The following KIF4A variants were observed in gnomAD, a reference collection of about 807,000 sequenced individuals.
KIF4A encodes the protein kinesin family member 4A.
KIF4A carries 7 observed loss-of-function variants against 105.9 expected under a neutral mutation model. The observed-to-expected ratio is 0.07, with a 90% confidence interval of 0.04 to 0.12. The LOEUF is 0.12. Ranked by LOEUF, KIF4A falls within the 10% of genes least tolerant of loss-of-function variation. KIF4A has a pLI of 1.00. For synonymous variants in KIF4A, 281 were observed against 331.3 expected (o/e 0.85, Z 1.65); for missense variants, 558 against 929.2 (o/e 0.60, Z 5.19).
chrX:70,320,722 G>T (rs1472771484), intron 7 of KIF4A, among the ~76,000 whole-genome samples: 1 of 111,720 alleles, frequency 9.0e-6, no homozygotes, highest in Non-Finnish European at 1.9e-5. Context: ...TGATTAATGG[G>T]TATAAACATA....
intron 9 of KIF4A, among the ~76,000 whole-genome samples, chrX:70,332,149 C>T (rs184748448): frequency 3.8e-4 from 42 of 111,622 alleles, no homozygotes; most frequent in Non-Finnish European, 4.9e-4. Context: ...ATTTGGAAGT[C>T]ACCAGTTTCA....
chrX:70,303,577 C>T (rs1438819175), intron 7 of KIF4A, among the ~76,000 whole-genome samples: 1 of 111,975 alleles, frequency 8.9e-6, no homozygotes, highest in Non-Finnish European at 1.9e-5. Flanking sequence ...GAGTGTCATT[C>T]AAAGTACCCT....
At chrX:70,390,620 T>C (rs1298585739) in intron 20 of KIF4A, among the ~76,000 whole-genome samples, 1 of 111,853 alleles carries the variant, frequency 8.9e-6, no homozygotes, top group East Asian at 2.8e-4. Flanking sequence ...CCCTAATTTA[T>C]TCTGTCAAGG....
At chrX:70,382,819 C>T (rs921848376) in intron 18 of KIF4A, among the ~76,000 whole-genome samples, 3 of 109,149 alleles carry the variant, frequency 2.7e-5, no homozygotes, top group East Asian at 5.8e-4. Flanking sequence ...AGTTAATAGC[C>T]AGTCCATAGA....
intron 7 of KIF4A, among the ~76,000 whole-genome samples, chrX:70,304,990 C>G (rs1376009018): frequency 1.8e-5 from 2 of 111,137 alleles, no homozygotes. Flanking sequence ...GAACAATATT[C>G]CATTGTATGG....
intron 18 of KIF4A, among the ~76,000 whole-genome samples, chrX:70,385,807 C>T (rs2086215524): frequency 8.9e-6 from 1 of 112,134 alleles, no homozygotes; most frequent in African/African-American, 3.2e-5. Context: ...CATAGTATTT[C>T]TTGGTATTCT....
intron 20 of KIF4A, among the ~76,000 whole-genome samples, chrX:70,390,758 C>T (rs754427258): frequency 8.0e-5 from 9 of 111,906 alleles, no homozygotes; most frequent in African/African-American, 2.9e-4. Context: ...AGAAACTCCC[C>T]TATATCTCTT....
intron 28 of KIF4A, among the ~76,000 whole-genome samples, chrX:70,415,906 C>T (rs1195636884): frequency 2.6e-4 from 21 of 80,372 alleles, no homozygotes; most frequent in African/African-American, 9.4e-4. Context: ...TCACTCTTGT[C>T]GCCCAGGCTG....
At chrX:70,313,504 A>T (rs1467421537) in intron 7 of KIF4A, among the ~76,000 whole-genome samples, 1 of 111,396 alleles carries the variant, frequency 9.0e-6, no homozygotes, top group Non-Finnish European at 1.9e-5. Context: ...CATATCACTG[A>T]CTATTAGTCT....
intron 15 of KIF4A, among the ~76,000 whole-genome samples, chrX:70,371,958 C>G (rs1183504574): frequency 2.8e-5 from 3 of 108,820 alleles, no homozygotes; most frequent in Non-Finnish European, 3.8e-5. Context: ...CTCCTCACCT[C>G]CCAGACGGGG....
At chrX:70,357,408 C>T (rs1487144760) in intron 15 of KIF4A, among the ~76,000 whole-genome samples, 2 of 112,205 alleles carry the variant, frequency 1.8e-5, no homozygotes, top group Non-Finnish European at 3.8e-5. Context: ...TGAAAACAAC[C>T]GTTCTGGAAT....
At position 70,420,201 on chromosome X, in the gene KIF4A, G is replaced by A. The variant is rs1183312840; in HGVS notation, c.3635G>A (p.Arg1212Gln). Residue 1212 changes from arginine (R) to glutamine (Q), a missense_variant, in exon 31 of 31, where the codon CGG becomes CAG. Arg to Gln is a conservative substitution (Grantham distance 43). Around this residue, in one of 2 missense-constraint regions of KIF4A, gnomAD observed 469 missense variants for 680.4 expected, o/e 0.69. Coordinates refer to ENST00000374403, the MANE Select transcript of KIF4A (RefSeq NM_012310.5). Reference protein sequence around the residue: ...ENKAPGKKKKRALASNTSFFS... With the variant: ...ENKAPGKKKKQALASNTSFFS... ...AAGGCTCCAGGGAAGAAAAAGAAAC[G>A]GGCTCTGGCCAGCAACACCAGCTTC... 2.5e-6 allele frequency: 3 copies of A among 1,210,963 alleles called. No individual in the cohort carries two copies. The highest frequency in any genetic ancestry group is 3.0e-5 in the East Asian group (1 of 33,811).
At position 70,358,241 on chromosome X, in the gene KIF4A, G is replaced by A. The variant is rs144358649; in HGVS notation, c.1674+4434G>A. ...TTCTCGTTTATTGTGCTTGGTGCTC[G>A]ACTGGTCCTTTCAATCTAGAAATTT... On this transcript the variant is annotated intron_variant, in intron 15 of 30. Transcript: ENST00000374403. Among the ~76,000 whole-genome samples the A allele has an allele frequency of 7.4e-3, 797 of 108,088 alleles. 8 individuals are homozygous for A. Among genetic ancestry groups the A allele is most frequent in the Non-Finnish European group, 9.9e-3 (513 of 51,888 alleles). The allele number at this position is 108,088 out of a possible 115,157, so 93.9% of individuals were successfully genotyped here.
At chrX:70,417,132 A>G (rs758748580) in intron 28 of KIF4A, among the ~76,000 whole-genome samples, 38 of 112,947 alleles carry the variant, frequency 3.4e-4, no homozygotes, top group Non-Finnish European at 6.2e-4. Flanking sequence ...TAAAGTTGTC[A>G]TAAGAGTCTT....
At chrX:70,379,024 G>A (rs967003700) in intron 18 of KIF4A, among the ~76,000 whole-genome samples, 4 of 108,120 alleles carry the variant, frequency 3.7e-5, no homozygotes, top group Non-Finnish European at 7.7e-5. Flanking sequence ...TTAGCCAGGT[G>A]TAGTGGTGGG....
chrX:70,364,756 T>G (rs1166308177), intron 15 of KIF4A, among the ~76,000 whole-genome samples: 2 of 111,719 alleles, frequency 1.8e-5, no homozygotes, highest in East Asian at 2.8e-4. Context: ...AACTTTAAAG[T>G]AGTTTTTTCC....
chrX:70,314,053 G>A (rs1211133033), intron 7 of KIF4A, among the ~76,000 whole-genome samples: 1 of 111,671 alleles, frequency 9.0e-6, no homozygotes, highest in Non-Finnish European at 1.9e-5. Flanking sequence ...GAATATAGGG[G>A]CTCTACTGAT....
chrX:70,303,132 T>C (rs2085811073), intron 7 of KIF4A, among the ~76,000 whole-genome samples: 1 of 112,207 alleles, frequency 8.9e-6, no homozygotes, highest in Non-Finnish European at 1.9e-5. Flanking sequence ...GTGCTTATTC[T>C]TCTGTTTTCT....
In KIF4A at chrX:70,334,398, T is replaced by C. The variant is rs1245898126; in HGVS notation, c.1133+709T>C. Among the ~76,000 whole-genome samples the C allele has an allele frequency of 5.3e-5, 6 of 112,193 alleles. No homozygotes were observed. In the Admixed American group the frequency reaches 5.7e-4, roughly 11 times the overall value. On this transcript the variant is annotated intron_variant, in intron 10 of 30. Coordinates refer to ENST00000374403, the MANE Select transcript of KIF4A (RefSeq NM_012310.5). Reference sequence around the variant, plus strand: ...AACCATGAGTTTATACTGACACCTCTGATACCATTCCAATGTGACAGGGTT... The same window carrying C: ...AACCATGAGTTTATACTGACACCTCCGATACCATTCCAATGTGACAGGGTT...
Sources: gnomAD v4.1 joint callset for allele counts (sites outside exome capture counted in the v4.1 genomes callset) on GRCh38, gnomAD v4.1.1 for gene constraint, gnomAD v4.1.1 regional missense constraint, MANE v1.5 for transcripts, NCBI Gene and HGNC (gene_info 2026-07-23, HGNC 2026-07-21) for gene names.